The following SMCHD1 variants were observed in gnomAD, a reference collection of about 807,000 sequenced individuals.
SMCHD1 encodes the protein structural maintenance of chromosomes flexible hinge domain-containing protein 1.
In SMCHD1, 78 loss-of-function variants were observed where a neutral mutation model predicts 254.7. That is an observed-to-expected ratio of 0.31 (90% CI 0.26 to 0.37). SMCHD1 has a LOEUF of 0.37. Among genes scored for constraint, SMCHD1 ranks in the 10% least tolerant of loss-of-function variants. The probability of loss-of-function intolerance (pLI) is 1.00; values close to 1 mark genes in which losing one functional copy is unlikely to be tolerated. For synonymous variants in SMCHD1, 766 were observed against 794.9 expected (o/e 0.96, Z 0.61); for missense variants, 1,840 against 2,408.1 (o/e 0.76, Z 4.94).
chr18:2,723,806 T>G (rs1408263492), intron 20 of SMCHD1, among the ~76,000 whole-genome samples: 1 of 152,188 alleles, frequency 6.6e-6, no homozygotes, highest in African/African-American at 2.4e-5. Flanking sequence ...AAACTTTTCA[T>G]CAGTCTTTTT....
At chr18:2,775,053 G>C in intron 41 of SMCHD1, among the ~76,000 whole-genome samples, 1 of 140,264 alleles carries the variant, frequency 7.1e-6, no homozygotes, top group African/African-American at 2.6e-5. Flanking sequence ...CCTAGAAACA[G>C]AAGCAAAAGG....
intron 30 of SMCHD1, among the ~76,000 whole-genome samples, chr18:2,748,292 G>A (rs1322185592): frequency 6.7e-6 from 1 of 150,120 alleles, no homozygotes; most frequent in Non-Finnish European, 1.5e-5. Flanking sequence ...GTGCAAAGTT[G>A]GAGGCACTCC....
chr18:2,656,050 C>A lies in SMCHD1; in HGVS notation c.-26C>A, dbSNP rs2073044126. 4 of 1,329,094 alleles carry A rather than the reference C, an allele frequency of 3.0e-6. No homozygotes were observed. The South Asian group carries it at 6.4e-5, about 21-fold the overall frequency. 82.3% of individuals were successfully genotyped at this position (1,329,094 alleles called of 1,614,324 possible). ...CCCTGAGCCCGGCGGCGGCAGGCGT[C>A]GCTGTCTTTTCTCCTTTTCCCCAAT... is the stretch of plus-strand genomic sequence containing the variant. On this transcript the variant is annotated 5_prime_UTR_variant, in exon 1 of 48. Transcript: ENST00000320876.
rs575265102 is a variant in SMCHD1 at position 2,770,781 on chromosome 18, T to C, written c.4966+673T>C. ...GATTACAGGCACATGCCACCACGCC[T>C]GGCTGATTTTTGTATTTTTAGTAGA... On this transcript the variant is annotated intron_variant, in intron 39 of 47. Transcript: ENST00000320876. Among the ~76,000 whole-genome samples the C allele has an allele frequency of 1.2e-4, 19 of 152,142 alleles. No individual in the cohort carries two copies. The East Asian group carries it at 2.7e-3, about 22-fold the overall frequency.
chr18:2,694,974 A>T (rs2074255512), intron 8 of SMCHD1, among the ~76,000 whole-genome samples: 1 of 152,198 alleles, frequency 6.6e-6, no homozygotes, highest in South Asian at 2.1e-4. Flanking sequence ...TGTCAGATTG[A>T]GCACTATATC....
chr18:2,731,372 A>T (rs777752263), intron 24 of SMCHD1, among the ~76,000 whole-genome samples: 16 of 152,234 alleles, frequency 1.1e-4, no homozygotes, highest in African/African-American at 3.9e-4. Context: ...ATCAATTTAT[A>T]TAGCATAATC....
intron 34 of SMCHD1, chr18:2,760,401 A>T (rs1422369806): frequency 3.5e-6 from 1 of 283,714 alleles, no homozygotes; most frequent in African/African-American, 2.2e-5. Context: ...TCAACTTCAT[A>T]TTCCTGTTCT....
chr18:2,772,433 G>A (rs1043728874), intron 41 of SMCHD1, 61 bp downstream of exon 41: 29 of 1,382,504 alleles, frequency 2.1e-5, no homozygotes, highest in Admixed American at 8.4e-5. Context: ...TGTTTAAAAC[G>A]GGTCTTCTAA....
chr18:2,700,525 C>A lies in SMCHD1; in HGVS notation c.1343-14C>A. 2 of 1,591,942 alleles carry A rather than the reference C, an allele frequency of 1.3e-6. No homozygotes were observed. Among genetic ancestry groups the A allele is most frequent in the Non-Finnish European group, 1.7e-6 (2 of 1,171,636 alleles). On this transcript the variant is annotated splice_polypyrimidine_tract_variant and intron_variant, in intron 10 of 47. Transcript: ENST00000320876. The stretch of plus-strand genomic sequence containing the variant: ...AGCAATAAACATTTTGTTCCATTTG[C>A]CCTTTTGATCTAGAATTAAAAGATG...
At chr18:2,692,714 C>G (rs1411141575) in intron 7 of SMCHD1, among the ~76,000 whole-genome samples, 3 of 152,194 alleles carry the variant, frequency 2.0e-5, no homozygotes, top group Non-Finnish European at 4.4e-5. Flanking sequence ...CAGTCATCTG[C>G]TGGGTGACTG....
Position 2,656,798 on chromosome 18 carries a change from CG to C in SMCHD1, c.186+544del, listed in dbSNP as rs970894247. 4.0e-5 allele frequency among the ~76,000 whole-genome samples: 6 copies of C among 151,824 alleles called. No individual in the cohort carries two copies. In the South Asian group the frequency reaches 1.0e-3, roughly 26 times the overall value. On this transcript the variant is annotated intron_variant, in intron 1 of 47. Coordinates refer to ENST00000320876, the MANE Select transcript of SMCHD1 (RefSeq NM_015295.3). ...TGCAGGTCCTTCTGGGGCGGGGCGG[CG>C]GGGGGGATCCTTCCGCACGGAGACA...
At chr18:2,790,005 A>C (rs927606112) in intron 45 of SMCHD1, among the ~76,000 whole-genome samples, 3 of 152,068 alleles carry the variant, frequency 2.0e-5, no homozygotes, top group Non-Finnish European at 4.4e-5. Context: ...AACGTGGTGA[A>C]ACCCCGTCTC....
chr18:2,692,822 A>C (rs1384812532), intron 7 of SMCHD1, among the ~76,000 whole-genome samples: 2 of 152,226 alleles, frequency 1.3e-5, no homozygotes, highest in African/African-American at 4.8e-5. Flanking sequence ...TACCAGATGG[A>C]ATTTGTAGAG....
chr18:2,742,200 AC>A (rs2075364682), intron 28 of SMCHD1, among the ~76,000 whole-genome samples: 1 of 151,584 alleles, frequency 6.6e-6, no homozygotes, highest in Non-Finnish European at 1.5e-5. Flanking sequence ...CCATAATCTC[AC>A]CCCTTTCTCT....
chr18:2,697,086 A>G lies in SMCHD1; in HGVS notation c.1095A>G (p.Ser365=). Residue 365 remains serine (S), a synonymous_variant, in exon 9 of 48, where the codon TCA becomes TCG. Coordinates refer to ENST00000320876, the MANE Select transcript of SMCHD1 (RefSeq NM_015295.3). ...HGPKGNEIRT[S]KEVEPFNNID... is the part of the protein sequence containing the mutation. ...CAAAAGGAAATGAAATACGAACATC[A>G]AAAGAAGTTGAACCTTTCAACAATA... 1.3e-6 allele frequency: 2 copies of G among 1,508,188 alleles called. No homozygotes were observed. The highest frequency in any genetic ancestry group is 2.5e-5 in the East Asian group (1 of 40,404). 93.4% of individuals were successfully genotyped at this position (1,508,188 alleles called of 1,614,324 possible). A position where few individuals can be genotyped will look rare whatever the true frequency, so the allele number is the denominator to read the frequency against.
chr18:2,789,199 T>C (rs2076281494), intron 45 of SMCHD1, among the ~76,000 whole-genome samples: 1 of 99,860 alleles, frequency 1.0e-5, no homozygotes, highest in Non-Finnish European at 2.2e-5. Context: ...TTTTTTGTAT[T>C]ATTATTATTT....
At chr18:2,670,805 G>A (rs561359630) in intron 3 of SMCHD1, among the ~76,000 whole-genome samples, 24 of 151,420 alleles carry the variant, frequency 1.6e-4, no homozygotes, top group African/African-American at 5.8e-4. Flanking sequence ...AGAGGCTGAG[G>A]CAGGAGAATC....
At chr18:2,735,266 C>G (rs2075227398) in intron 25 of SMCHD1, among the ~76,000 whole-genome samples, 2 of 152,108 alleles carry the variant, frequency 1.3e-5, no homozygotes, top group African/African-American at 4.8e-5. Context: ...AAAGCCATCA[C>G]TGGACATTGA....
At chr18:2,656,934 C>G (rs1014826490) in intron 1 of SMCHD1, among the ~76,000 whole-genome samples, 7 of 152,144 alleles carry the variant, frequency 4.6e-5, no homozygotes, top group Non-Finnish European at 7.3e-5. Context: ...TGTGGAGCAC[C>G]AGAAAACGTA....
Sources: allele counts gnomAD v4.1 joint callset (sites outside exome capture counted in the v4.1 genomes callset), GRCh38; gene constraint gnomAD v4.1.1; transcripts MANE v1.5; gene names NCBI Gene and HGNC (gene_info 2026-07-23, HGNC 2026-07-21).